DCAF13: variants seen among roughly 807,000 people sequenced by gnomAD.
DCAF13 encodes the protein DDB1- and CUL4-associated factor 13.
A neutral mutation model predicts 59.0 loss-of-function variants in DCAF13; 38 were observed. The observed-to-expected ratio is 0.64, with a 90% CI of 0.50 to 0.84. DCAF13 has a LOEUF of 0.84. Ranked by LOEUF, DCAF13 falls within the 40% of genes least tolerant of loss-of-function variation. DCAF13 has a pLI of 0.00. For synonymous variants in DCAF13, 173 were observed against 175.0 expected, an observed-to-expected ratio of 0.99 and a Z score of 0.09; for missense variants, 469 against 558.4, an observed-to-expected ratio of 0.84 and a Z score of 1.61.
At chr8:103,424,342 A>G (rs1816762419) in intron 3 of DCAF13, among the ~76,000 whole-genome samples, 1 of 152,202 alleles carries the variant, frequency 6.6e-6, no homozygotes. Context: ...GATATTTTTG[A>G]GTAATGTGTG....
At chr8:103,416,370 T>C (rs1444457021) in intron 1 of DCAF13, among the ~76,000 whole-genome samples, 2 of 152,240 alleles carry the variant, frequency 1.3e-5, no homozygotes, top group Non-Finnish European at 2.9e-5. Context: ...ATAAATTAGA[T>C]TTGTCACTTG....
chr8:103,417,220 G>A lies in DCAF13; in HGVS notation c.70+1704G>A, dbSNP rs1458706745. Among the ~76,000 whole-genome samples the A allele has an allele frequency of 3.9e-5, 6 of 152,260 alleles. No homozygotes were observed. The East Asian group carries it at 5.8e-4, about 15-fold the overall frequency. ...GTATGCAACCCGTCCCGTTAATACA[G>A]TACAGTGCGAAAGTGAGTACTGCTT... On this transcript the variant is annotated intron_variant, in intron 1 of 10. Transcript: ENST00000612750.
chr8:103,438,480 A>G lies in DCAF13; in HGVS notation c.951-1656A>G, dbSNP rs563208305. On this transcript the variant is annotated intron_variant, in intron 8 of 10. Transcript: ENST00000612750. ...CTGTCAGCCAGGCTAGAGTGCAGTG[A>G]TGCCACACGGCTCACTACAGCCCCT... Among the ~76,000 whole-genome samples, 4 of 147,590 alleles carry G rather than the reference A, an allele frequency of 2.7e-5. No homozygotes were observed. The East Asian group carries it at 8.1e-4, about 30-fold the overall frequency.
intron 8 of DCAF13, among the ~76,000 whole-genome samples, chr8:103,438,208 T>G (rs1816959640): frequency 6.6e-6 from 1 of 152,152 alleles, no homozygotes; most frequent in Admixed American, 6.5e-5. Context: ...GCTTCTTAGG[T>G]ATGTGGAGAT....
At chr8:103,423,825 T>C (rs1033802399) in intron 3 of DCAF13, among the ~76,000 whole-genome samples, 8 of 152,126 alleles carry the variant, frequency 5.3e-5, no homozygotes, top group African/African-American at 1.9e-4. Context: ...TTTTAAGAAA[T>C]GAATAAAGAC....
intron 6 of DCAF13, 46 bp downstream of exon 6, chr8:103,430,735 A>T: frequency 7.2e-7 from 1 of 1,380,984 alleles, no homozygotes; most frequent in Non-Finnish European, 1.0e-6. Flanking sequence ...GGCATTATAT[A>T]TTTCTCTGTA....
intron 9 of DCAF13, 133 bp from the exon 10 acceptor site, chr8:103,441,322 G>A: frequency 1.4e-6 from 1 of 716,210 alleles, no homozygotes; most frequent in Non-Finnish European, 2.2e-6. Flanking sequence ...CTTGTAAAGT[G>A]CAGAATTACA....
At chr8:103,420,510 A>T in intron 2 of DCAF13, 47 bp downstream of exon 2, 1 of 1,556,644 alleles carries the variant, frequency 6.4e-7, no homozygotes, top group Non-Finnish European at 8.7e-7. Context: ...TAGTTATATT[A>T]CAAATGTTTT....
chr8:103,426,825 A>C lies in DCAF13; in HGVS notation c.469-272A>C, dbSNP rs140560341. On this transcript the variant is annotated intron_variant, in intron 4 of 10. Transcript: ENST00000612750. ...GGTTTCAAGAAGACTAAATGTTCTT[A>C]AAGGGATAGGGGAATGGGGTATGAG... Among the ~76,000 whole-genome samples the C allele has an allele frequency of 2.2e-3, 342 of 152,230 alleles. 5 individuals carry two copies. The highest frequency in any genetic ancestry group is 7.6e-3 in the African/African-American group (317 of 41,556).
rs778048907 is a variant in DCAF13, at chr8:103,421,011, C to G, written c.307C>G (p.Arg103Gly). 8 of 1,613,002 alleles carry G rather than the reference C, an allele frequency of 5.0e-6. No individual in the cohort carries two copies. Among genetic ancestry groups the G allele is most frequent in the Non-Finnish European group, 6.8e-6 (8 of 1,179,302 alleles). ...IWNLTQRNCIRTIQAHEGFVR... is the reference protein window; with the variant it reads ...IWNLTQRNCIGTIQAHEGFVR... ...GAATCTAACTCAGCGGAATTGTATCCGTACAATACAAGCACATGAAGGCTT... is the reference window on the plus strand; with the variant it reads ...GAATCTAACTCAGCGGAATTGTATCGGTACAATACAAGCACATGAAGGCTT... The change falls in exon 3 of 11, where the codon CGT becomes GGT. Residue 103 changes from arginine to glycine, a missense_variant. Around this residue, in one of 3 missense-constraint regions of DCAF13, gnomAD observed 355 missense variants for 399.1 expected, o/e 0.89. Transcript: ENST00000612750.
At chr8:103,433,134 T>C (rs1816887120) in intron 7 of DCAF13, among the ~76,000 whole-genome samples, 1 of 152,152 alleles carries the variant, frequency 6.6e-6, no homozygotes, top group South Asian at 2.1e-4. Flanking sequence ...TGTTTAACAT[T>C]TGGCCCTTTA....
chr8:103,421,027 A>G lies in DCAF13; in HGVS notation c.323A>G (p.His108Arg). Reference protein sequence around the residue: ...QRNCIRTIQAHEGFVRGICTR... With the variant: ...QRNCIRTIQAREGFVRGICTR... ...AATTGTATCCGTACAATACAAGCACATGAAGGCTTTGTACGAGGAATATGT... is the reference window on the plus strand; with the variant it reads ...AATTGTATCCGTACAATACAAGCACGTGAAGGCTTTGTACGAGGAATATGT... The change falls in exon 3 of 11, where the codon CAT (histidine) becomes CGT (arginine). Residue 108 changes from histidine to arginine, a missense_variant. This residue lies in a region of DCAF13 where 355 missense variants were observed against 399.1 expected (regional missense o/e 0.89). Coordinates refer to ENST00000612750, the MANE Select transcript of DCAF13 (RefSeq NM_015420.7). 3.1e-6 allele frequency: 5 copies of G among 1,613,942 alleles called. No homozygotes were observed. The highest frequency in any genetic ancestry group is 1.7e-4 in the Middle Eastern group (1 of 6,052).
intron 10 of DCAF13, chr8:103,441,875 C>G (rs1374319927): frequency 2.8e-6 from 1 of 362,758 alleles, no homozygotes; most frequent in Non-Finnish European, 4.9e-6. Context: ...ATGCCATTCT[C>G]CTGTCTCAGC....
chr8:103,439,918 G>T lies in DCAF13; in HGVS notation c.951-218G>T, dbSNP rs115331847. 3.0e-3 allele frequency: 951 copies of T among 315,682 alleles called. 13 individuals are homozygous for T. The highest frequency in any genetic ancestry group is 0.015 in the African/African-American group (715 of 46,858). The allele number at this position is 315,682 out of a possible 1,614,324, so 19.6% of individuals were successfully genotyped here. On this transcript the variant is annotated intron_variant, in intron 8 of 10. Transcript: ENST00000612750. ...TTGTTCATATTTATTTCTCTTACTA[G>T]ATAGTAAGTTCTCTGAGAGCAGAAA... is the stretch of plus-strand genomic sequence containing the variant.
At chr8:103,423,857 A>G (rs984744659) in intron 3 of DCAF13, among the ~76,000 whole-genome samples, 2 of 152,042 alleles carry the variant, frequency 1.3e-5, no homozygotes, top group African/African-American at 4.8e-5. Context: ...CATATTCACC[A>G]CTTATTTCCC....
rs1816850254 is a variant in DCAF13, at chr8:103,430,599, T to C, written c.625-13T>C. ...TCTGGCTTTGAACTGGTGATTGTTA[T>C]ACTTGTTTTTAGACATTTCTCTTGG... is the stretch of plus-strand genomic sequence containing the variant. On this transcript the variant is annotated splice_polypyrimidine_tract_variant and intron_variant, in intron 5 of 10. Transcript: ENST00000612750. 2 of 1,605,006 alleles carry C rather than the reference T, an allele frequency of 1.2e-6. No homozygotes were observed. The highest frequency in any genetic ancestry group is 1.7e-6 in the Non-Finnish European group (2 of 1,173,440).
At chr8:103,417,751 A>C (rs2130470253) in intron 1 of DCAF13, among the ~76,000 whole-genome samples, 1 of 152,234 alleles carries the variant, frequency 6.6e-6, no homozygotes, top group South Asian at 2.1e-4. Context: ...GCACACAGAA[A>C]GTTTGAAGAC....
intron 1 of DCAF13, among the ~76,000 whole-genome samples, chr8:103,418,078 A>C (rs1426556506): frequency 2.0e-5 from 3 of 151,640 alleles, no homozygotes; most frequent in Non-Finnish European, 2.9e-5. Context: ...CAGTGAGCCG[A>C]GATTGCGCCA....
intron 1 of DCAF13, among the ~76,000 whole-genome samples, chr8:103,419,353 T>G (rs1055310037): frequency 6.6e-6 from 1 of 152,188 alleles, no homozygotes; most frequent in Non-Finnish European, 1.5e-5. Flanking sequence ...TGTGAGATAG[T>G]AATAGAACTT....
Sources: gnomAD v4.1 joint callset for allele counts (sites outside exome capture counted in the v4.1 genomes callset) on GRCh38, gnomAD v4.1.1 for gene constraint, gnomAD v4.1.1 regional missense constraint, MANE v1.5 for transcripts, NCBI Gene and HGNC (gene_info 2026-07-23, HGNC 2026-07-21) for gene names.